The following HS6ST3 variants were observed in gnomAD, a reference collection of about 807,000 sequenced individuals.
The protein encoded by HS6ST3 is heparan-sulfate 6-O-sulfotransferase 3.
Under a neutral mutation model 36.7 loss-of-function variants are expected in HS6ST3, and 12 were observed. That is an observed-to-expected ratio of 0.33 (90% confidence interval 0.21 to 0.53). The LOEUF (loss-of-function observed/expected upper bound fraction) is 0.53. Among genes scored for constraint, HS6ST3 ranks in the 20% least tolerant of loss-of-function variants. The pLI is 0.95. For missense variants in HS6ST3, 584 were observed against 640.9 expected (o/e 0.91, Z 0.96); for synonymous variants, 240 against 257.5 (o/e 0.93, Z 0.65).
chr13:96,579,921 G>A (rs2056335498), intron 1 of HS6ST3, among the ~76,000 whole-genome samples: 1 of 152,152 alleles, frequency 6.6e-6, no homozygotes, highest in East Asian at 1.9e-4. Context: ...GCTGGATAAT[G>A]AACAATATAA....
At chr13:96,730,282 G>GT (rs1259961866) in intron 1 of HS6ST3, among the ~76,000 whole-genome samples, 2 of 151,596 alleles carry the variant, frequency 1.3e-5, no homozygotes, top group Non-Finnish European at 2.9e-5. Context: ...TTCATTATAG[G>GT]TTTTTTTTAA....
intron 1 of HS6ST3, among the ~76,000 whole-genome samples, chr13:96,341,449 T>A (rs1377921086): frequency 1.3e-5 from 2 of 152,140 alleles, no homozygotes; most frequent in East Asian, 3.9e-4. Flanking sequence ...CATATATAAA[T>A]CAATAATTTT....
chr13:96,694,675 T>G (rs545518079), intron 1 of HS6ST3, among the ~76,000 whole-genome samples: 2 of 152,316 alleles, frequency 1.3e-5, no homozygotes, highest in African/African-American at 4.8e-5. Flanking sequence ...AGTGTTCCTA[T>G]TTCTCCATAA....
At chr13:96,359,081 G>T (rs779634708) in intron 1 of HS6ST3, among the ~76,000 whole-genome samples, 1 of 152,176 alleles carries the variant, frequency 6.6e-6, no homozygotes, top group East Asian at 1.9e-4. Context: ...TCCAGTGGAT[G>T]CTTTAGAAGG....
Position 96,556,817 on chromosome 13 carries a change from C to T in HS6ST3, c.708-275673C>T, listed in dbSNP as rs553736564. Among the ~76,000 whole-genome samples, 4 of 152,236 alleles carry T rather than the reference C, an allele frequency of 2.6e-5. No individual in the cohort carries two copies. The South Asian group carries it at 6.2e-4, about 24-fold the overall frequency. On this transcript the variant is annotated intron_variant, in intron 1 of 1. Transcript: ENST00000376705. ...AACAATAGGAACTGTAGCCCAAGCA[C>T]GGGTGAGTCATTACTCATAAGAATG...
At chr13:96,238,239 A>G (rs1447828104) in intron 1 of HS6ST3, among the ~76,000 whole-genome samples, 2 of 152,040 alleles carry the variant, frequency 1.3e-5, no homozygotes, top group South Asian at 2.1e-4. Flanking sequence ...TTGCCCTTCT[A>G]TATATCTCAA....
chr13:96,723,517 G>A (rs918518950), intron 1 of HS6ST3, among the ~76,000 whole-genome samples: 16 of 152,132 alleles, frequency 1.1e-4, no homozygotes, highest in African/African-American at 3.6e-4. Context: ...AGAGGTGTCC[G>A]GTGCCTACAG....
chr13:96,714,430 GA>G (rs1319780825), intron 1 of HS6ST3, among the ~76,000 whole-genome samples: 1 of 152,148 alleles, frequency 6.6e-6, no homozygotes, highest in East Asian at 1.9e-4. Context: ...AGTAAAGGGA[GA>G]ATGAAGCAAA....
At chr13:96,724,948 G>T (rs1875966280) in intron 1 of HS6ST3, among the ~76,000 whole-genome samples, 1 of 152,146 alleles carries the variant, frequency 6.6e-6, no homozygotes, top group Non-Finnish European at 1.5e-5. Context: ...TTGCCAAATG[G>T]TCTTCCAAAG....
At chr13:96,802,763 C>T (rs1006845138) in intron 1 of HS6ST3, among the ~76,000 whole-genome samples, 4 of 152,138 alleles carry the variant, frequency 2.6e-5, no homozygotes, top group African/African-American at 4.8e-5. Flanking sequence ...TTGGATTCCC[C>T]GTGACCCAGA....
At position 96,688,715 on chromosome 13, in the gene HS6ST3, A is replaced by C. The variant is rs573930985; in HGVS notation, c.708-143775A>C. Among the ~76,000 whole-genome samples, 18 of 152,196 alleles carry C rather than the reference A, an allele frequency of 1.2e-4. No homozygotes were observed. In the East Asian group the frequency reaches 2.7e-3, roughly 23 times the overall value. On this transcript the variant is annotated intron_variant, in intron 1 of 1. Coordinates refer to ENST00000376705, the MANE Select transcript of HS6ST3 (RefSeq NM_153456.4). The stretch of plus-strand genomic sequence containing the variant: ...AAGGTGACCTATTTAGCATAATGAA[A>C]TATATTTATAATCTTCATTAAATAA...
chr13:96,223,997 C>A (rs1391271959), intron 1 of HS6ST3, among the ~76,000 whole-genome samples: 1 of 151,974 alleles, frequency 6.6e-6, no homozygotes, highest in Non-Finnish European at 1.5e-5. Flanking sequence ...TCCCTCCCTT[C>A]CCCTTTCCTC....
At position 96,647,078 on chromosome 13, in the gene HS6ST3, C is replaced by T. The variant is rs568103662; in HGVS notation, c.708-185412C>T. ...TGCTTTTTCCACAATAATTCTTAGACTTAGGTGGCCTTCTCTGCATCATCC... is the reference window on the plus strand; with the variant it reads ...TGCTTTTTCCACAATAATTCTTAGATTTAGGTGGCCTTCTCTGCATCATCC... On this transcript the variant is annotated intron_variant, in intron 1 of 1. Coordinates refer to ENST00000376705, the MANE Select transcript of HS6ST3 (RefSeq NM_153456.4). Among the ~76,000 whole-genome samples the T allele has an allele frequency of 6.6e-5, 10 of 152,072 alleles. No homozygotes were observed. The East Asian group carries it at 1.7e-3, about 27-fold the overall frequency.
intron 1 of HS6ST3, among the ~76,000 whole-genome samples, chr13:96,119,277 G>A (rs567727386): frequency 6.6e-6 from 1 of 152,086 alleles, no homozygotes; most frequent in African/African-American, 2.4e-5. Flanking sequence ...TTAATGCAGA[G>A]TATGAAAGCC....
intron 1 of HS6ST3, among the ~76,000 whole-genome samples, chr13:96,486,657 A>C (rs551947276): frequency 6.6e-6 from 1 of 152,328 alleles, no homozygotes; most frequent in Admixed American, 6.5e-5. Context: ...GGCTGCATAA[A>C]TGTCTTCTTT....
At chr13:96,095,638 A>G (rs2053786444) in intron 1 of HS6ST3, among the ~76,000 whole-genome samples, 1 of 152,160 alleles carries the variant, frequency 6.6e-6, no homozygotes, top group African/African-American at 2.4e-5. Context: ...ATCTCATTCT[A>G]TCAAATTGGC....
intron 1 of HS6ST3, among the ~76,000 whole-genome samples, chr13:96,704,350 A>G (rs1398184934): frequency 6.6e-6 from 1 of 152,214 alleles, no homozygotes; most frequent in African/African-American, 2.4e-5. Context: ...TGGTCTGGAT[A>G]GCATACAGGA....
Position 96,127,764 on chromosome 13 carries a change from C to A in HS6ST3, c.707+36195C>A, listed in dbSNP as rs576391458. The stretch of plus-strand genomic sequence containing the variant: ...GCTCTTATTCTAGGTACGGTACTTG[C>A]AGGATCTCACACATTTCTGTAATTT... On this transcript the variant is annotated intron_variant, in intron 1 of 1. Transcript: ENST00000376705. Among the ~76,000 whole-genome samples, 7 of 152,266 alleles carry A rather than the reference C, an allele frequency of 4.6e-5. No individual in the cohort carries two copies. In the South Asian group the frequency reaches 1.5e-3, roughly 32 times the overall value.
At chr13:96,685,549 C>T (rs764667490) in intron 1 of HS6ST3, among the ~76,000 whole-genome samples, 5 of 152,032 alleles carry the variant, frequency 3.3e-5, no homozygotes, top group Non-Finnish European at 7.4e-5. Context: ...ACATCATGAG[C>T]TAACACACTG....
Sources: allele counts gnomAD v4.1 joint callset (sites outside exome capture counted in the v4.1 genomes callset), GRCh38; gene constraint gnomAD v4.1.1; transcripts MANE v1.5; gene names NCBI Gene and HGNC (gene_info 2026-07-23, HGNC 2026-07-21).